SLC44A5: variants seen among roughly 807,000 people sequenced by gnomAD.
The protein encoded by SLC44A5 is choline transporter-like protein 5.
A neutral mutation model predicts 101.8 loss-of-function variants in SLC44A5; 57 were observed. The ratio of observed to expected loss-of-function variants is 0.56; its 90% CI spans 0.45 to 0.70. The LOEUF (loss-of-function observed/expected upper bound fraction) is 0.70, where lower values mean the gene tolerates loss of function less well. Ranked by LOEUF, SLC44A5 falls within the 30% of genes least tolerant of loss-of-function variation. SLC44A5 has a pLI of 0.00. For synonymous variants in SLC44A5, 281 were observed against 290.9 expected (o/e 0.97, Z 0.35); for missense variants, 737 against 853.1 (o/e 0.86, Z 1.70).
the SLC44A5 span, chr1:75,677,837 T>A: frequency 5.2e-6 from 2 of 386,704 alleles, no homozygotes; most frequent in African/African-American, 4.4e-5. Flanking sequence ...TTTCTGCATT[T>A]CCATCTGAGG....
At position 75,356,412 on chromosome 1, in the gene SLC44A5, T is replaced by A. The variant is rs1032155215; in HGVS notation, c.53-16782A>T. Among the ~76,000 whole-genome samples, 3 of 151,636 alleles carry A rather than the reference T, an allele frequency of 2.0e-5. No homozygotes were observed. The East Asian group carries it at 5.8e-4, about 29-fold the overall frequency. ...TTGTGTCTCTGTTTTTAACAAAAAG[T>A]TTAAAAATTAAAAAATATAAAAATA... is the stretch of plus-strand genomic sequence containing the variant. On this transcript the variant is annotated intron_variant, in intron 3 of 23. Transcript: ENST00000370859.
At chr1:75,544,251 C>A (rs1211643080) in intron 1 of SLC44A5, among the ~76,000 whole-genome samples, 1 of 152,094 alleles carries the variant, frequency 6.6e-6, no homozygotes, top group Admixed American at 6.6e-5. Flanking sequence ...CATGTGATGC[C>A]TTCTGCCATT....
chr1:75,689,839 C>G, the SLC44A5 span, among the ~76,000 whole-genome samples: 3 of 152,164 alleles, frequency 2.0e-5, no homozygotes, highest in East Asian at 5.8e-4. Flanking sequence ...TTGGTCCTTG[C>G]TTGTTTAGCC....
chr1:75,457,032 C>T (rs1272628576), intron 2 of SLC44A5, among the ~76,000 whole-genome samples: 3 of 152,210 alleles, frequency 2.0e-5, no homozygotes, highest in Non-Finnish European at 2.9e-5. Context: ...AAGCACAGAT[C>T]TAAGATTATA....
chr1:75,383,995 C>G (rs376890644), intron 3 of SLC44A5, among the ~76,000 whole-genome samples: 35 of 151,240 alleles, frequency 2.3e-4, no homozygotes, highest in Non-Finnish European at 1.5e-5. Flanking sequence ...ACTTTACAGA[C>G]AAGCAAATGC....
At chr1:75,667,916 A>T in the SLC44A5 span, among the ~76,000 whole-genome samples, 3 of 152,228 alleles carry the variant, frequency 2.0e-5, no homozygotes, top group Admixed American at 1.3e-4. Flanking sequence ...ATGGAAACAC[A>T]TGAAGATGTT....
chr1:75,676,058 G>A, the SLC44A5 span, among the ~76,000 whole-genome samples: 6 of 152,176 alleles, frequency 3.9e-5, no homozygotes, highest in South Asian at 2.1e-4. Flanking sequence ...ATATGTTGGC[G>A]AGGCTGCAGA....
At chr1:75,719,172 C>T in the SLC44A5 span, among the ~76,000 whole-genome samples, 5 of 152,112 alleles carry the variant, frequency 3.3e-5, no homozygotes, top group Non-Finnish European at 7.4e-5. Flanking sequence ...CACTTTCTAA[C>T]AGGATCAGAA....
At chr1:75,453,872 A>T (rs931636996) in intron 2 of SLC44A5, among the ~76,000 whole-genome samples, 1 of 152,156 alleles carries the variant, frequency 6.6e-6, no homozygotes, top group Non-Finnish European at 1.5e-5. Flanking sequence ...TCCTGAACAG[A>T]TCAATATCAA....
intron 2 of SLC44A5, among the ~76,000 whole-genome samples, chr1:75,459,793 G>C (rs993939160): frequency 6.6e-6 from 1 of 152,058 alleles, no homozygotes; most frequent in African/African-American, 2.4e-5. Context: ...CCAATATAAT[G>C]GTAATTGTAA....
At chr1:75,400,883 C>A (rs1409635551) in intron 2 of SLC44A5, among the ~76,000 whole-genome samples, 2 of 152,224 alleles carry the variant, frequency 1.3e-5, no homozygotes, top group Non-Finnish European at 2.9e-5. Flanking sequence ...GCAAGGACTG[C>A]CACTGCTGTG....
intron 1 of SLC44A5, among the ~76,000 whole-genome samples, chr1:75,579,847 T>C (rs1035334620): frequency 5.2e-5 from 3 of 57,752 alleles, no homozygotes; most frequent in African/African-American, 1.5e-4. Context: ...ACACACAAAC[T>C]AGTCAGCCTA....
chr1:75,650,048 TTC>T, the SLC44A5 span, among the ~76,000 whole-genome samples: 8 of 151,602 alleles, frequency 5.3e-5, no homozygotes, highest in Non-Finnish European at 7.4e-5. Context: ...GCCTTGTGTA[TTC>T]TCTCTCTCTC....
chr1:75,450,010 A>T (rs550254356), intron 2 of SLC44A5, among the ~76,000 whole-genome samples: 1 of 152,264 alleles, frequency 6.6e-6, no homozygotes, highest in Non-Finnish European at 1.5e-5. Context: ...AAAAAAAAAA[A>T]TTAATCGCAG....
rs145695368 is a variant in SLC44A5 at position 75,430,588 on chromosome 1, G to A, written c.14-33967C>T. On this transcript the variant is annotated intron_variant, in intron 2 of 23. Coordinates refer to ENST00000370859, the MANE Select transcript of SLC44A5 (RefSeq NM_001130058.2). The stretch of plus-strand genomic sequence containing the variant: ...GCTCTGGAAGGGCTGTCATTGATGT[G>A]CCAAGAAACTTAGACTTTATCATAT... Among the ~76,000 whole-genome samples, 414 of 152,274 alleles carry A rather than the reference G, an allele frequency of 2.7e-3. 6 individuals are homozygous for A. The highest frequency in any genetic ancestry group is 0.023 in the Admixed American group (349 of 15,288).
At chr1:75,357,064 A>G (rs1254446177) in intron 3 of SLC44A5, 2 of 398,346 alleles carry the variant, frequency 5.0e-6, no homozygotes, top group Admixed American at 5.8e-5. Context: ...TGCATTTCCT[A>G]TCTTTTTTCT....
chr1:75,222,066 C>G (rs1475792218), intron 14 of SLC44A5, among the ~76,000 whole-genome samples: 1 of 150,394 alleles, frequency 6.6e-6, no homozygotes, highest in Admixed American at 6.7e-5. Context: ...TCAAGTGATT[C>G]TCCTGCCTCA....
chr1:75,280,362 T>A (rs1395555662), intron 5 of SLC44A5, among the ~76,000 whole-genome samples: 3 of 110,466 alleles, frequency 2.7e-5, no homozygotes, highest in Admixed American at 1.1e-4. Flanking sequence ...ATTGTATATA[T>A]TATATATTGT....
rs78769772 is a variant in SLC44A5, at chr1:75,523,480, T to C, written c.13+17955A>G. ...GGCACCTAACACCACGCCCAGCTAA[T>C]TTTTTTTTTTTTTGTATTTTTAATA... is the stretch of plus-strand genomic sequence containing the variant. On this transcript the variant is annotated intron_variant, in intron 2 of 23. Transcript: ENST00000370859. Among the ~76,000 whole-genome samples the C allele has an allele frequency of 4.2e-3, 443 of 106,130 alleles. 6 individuals are homozygous for C. In the South Asian group the frequency reaches 0.052, roughly 12 times the overall value. The allele number at this position is 106,130 out of a possible 152,430, so 69.6% of individuals were successfully genotyped here.
Sources: allele counts gnomAD v4.1 joint callset (sites outside exome capture counted in the v4.1 genomes callset), GRCh38; gene constraint gnomAD v4.1.1; transcripts MANE v1.5; gene names NCBI Gene and HGNC (gene_info 2026-07-23, HGNC 2026-07-21).